The following BANK1 variants were observed in gnomAD, a reference collection of about 807,000 sequenced individuals.
The protein encoded by BANK1 is B cell scaffold protein with ankyrin repeats 1, also known as B-cell scaffold protein with ankyrin repeats.
In BANK1, 95 loss-of-function variants were observed where a neutral mutation model predicts 94.5. The ratio of observed to expected loss-of-function variants is 1.00; its 90% CI spans 0.85 to 1.19. The LOEUF is 1.19. Among genes scored for constraint, BANK1 ranks in the 50% most tolerant of loss-of-function variants. BANK1 has a pLI of 0.00. For synonymous variants in BANK1, 334 were observed against 308.4 expected (o/e 1.08, Z -0.87); for missense variants, 987 against 932.2 (o/e 1.06, Z -0.77).
At chr4:101,791,013 C>A (rs1229458086) in intron 1 of BANK1, 63 bp downstream of exon 1, 1 of 1,320,682 alleles carries the variant, frequency 7.6e-7, no homozygotes, top group Non-Finnish European at 1.0e-6. Context: ...TCTGCGGAGA[C>A]CACGGGCCAT....
chr4:101,938,823 T>C (rs766281626), intron 7 of BANK1, among the ~76,000 whole-genome samples: 1 of 151,664 alleles, frequency 6.6e-6, no homozygotes, highest in Non-Finnish European at 1.5e-5. Flanking sequence ...ATAAAAATTA[T>C]ACAAAGCAAA....
At chr4:101,894,466 CT>C (rs76522350) in intron 5 of BANK1, among the ~76,000 whole-genome samples, 1 of 151,698 alleles carries the variant, frequency 6.6e-6, no homozygotes, top group Non-Finnish European at 1.5e-5. Context: ...ACAAAAATAT[CT>C]TTTTTTCAGT....
At chr4:102,000,977 A>G (rs1415244167) in intron 7 of BANK1, among the ~76,000 whole-genome samples, 1 of 152,166 alleles carries the variant, frequency 6.6e-6, no homozygotes, top group Non-Finnish European at 1.5e-5. Flanking sequence ...GTATTAAACT[A>G]AGCTCTAAAT....
intron 5 of BANK1, among the ~76,000 whole-genome samples, chr4:101,885,211 C>A (rs1043606643): frequency 2.6e-5 from 4 of 152,206 alleles, no homozygotes; most frequent in African/African-American, 9.7e-5. Context: ...GCCACCGCAC[C>A]CAGCCTGGGA....
chr4:101,812,399 A>C (rs1725757389), intron 1 of BANK1, among the ~76,000 whole-genome samples: 1 of 151,992 alleles, frequency 6.6e-6, no homozygotes, highest in Non-Finnish European at 1.5e-5. Flanking sequence ...CAGATTAAAA[A>C]ATCTAGGGAA....
chr4:102,037,867 AAGT>A (rs578228923), intron 10 of BANK1, among the ~76,000 whole-genome samples: 234 of 152,280 alleles, frequency 1.5e-3, no homozygotes, highest in Non-Finnish European at 2.2e-3. Flanking sequence ...ACAGAGGTGA[AAGT>A]AGACCTGGCA....
At chr4:101,850,044 A>G (rs556650538) in intron 2 of BANK1, among the ~76,000 whole-genome samples, 2 of 152,328 alleles carry the variant, frequency 1.3e-5, no homozygotes, top group South Asian at 4.1e-4. Context: ...GCTGTCTACA[A>G]ATAGTTTTAA....
chr4:102,015,270 T>C (rs1458093095), intron 7 of BANK1, among the ~76,000 whole-genome samples: 1 of 152,144 alleles, frequency 6.6e-6, no homozygotes, highest in African/African-American at 2.4e-5. Context: ...TATGCTTTTT[T>C]TGGTATCTTT....
chr4:101,902,708 A>G (rs915922090), intron 6 of BANK1, among the ~76,000 whole-genome samples: 1 of 152,216 alleles, frequency 6.6e-6, no homozygotes, highest in Non-Finnish European at 1.5e-5. Flanking sequence ...AGTTCTTCCA[A>G]ATAAATATTC....
At chr4:102,016,892 T>TGACTCTTATCCACTGTGGATAAGAA (rs1473859875) in intron 7 of BANK1, among the ~76,000 whole-genome samples, 3 of 152,092 alleles carry the variant, frequency 2.0e-5, no homozygotes, top group African/African-American at 4.8e-5. Flanking sequence ...GAGGATAAGA[T>TGACTCTTATCCACTGTGGATAAGAA]GACTCTTATC....
At chr4:102,044,382 T>A (rs1430210427) in intron 11 of BANK1, among the ~76,000 whole-genome samples, 1 of 152,250 alleles carries the variant, frequency 6.6e-6, no homozygotes, top group Non-Finnish European at 1.5e-5. Context: ...TATGGCTGCA[T>A]AGTATTCCAC....
intron 5 of BANK1, among the ~76,000 whole-genome samples, chr4:101,886,555 C>T (rs750426455): frequency 1.3e-5 from 2 of 152,122 alleles, no homozygotes; most frequent in Non-Finnish European, 2.9e-5. Flanking sequence ...TTATATTTAA[C>T]AGTACGTTGT....
At chr4:101,847,306 TGTTA>T (rs773442356) in intron 2 of BANK1, among the ~76,000 whole-genome samples, 21 of 152,204 alleles carry the variant, frequency 1.4e-4, no homozygotes, top group East Asian at 5.8e-4. Flanking sequence ...GTTCAGTAGT[TGTTA>T]GTTGTTATTC....
chr4:101,943,516 C>T (rs1311891208), intron 7 of BANK1, among the ~76,000 whole-genome samples: 3 of 151,558 alleles, frequency 2.0e-5, no homozygotes, highest in African/African-American at 7.3e-5. Context: ...AGGCTTCTGG[C>T]TTAAGTGTCT....
intron 7 of BANK1, among the ~76,000 whole-genome samples, chr4:102,000,862 T>G (rs748579653): frequency 6.6e-6 from 1 of 152,216 alleles, no homozygotes; most frequent in Non-Finnish European, 1.5e-5. Flanking sequence ...CAACACATAA[T>G]AGAGCATCCC....
chr4:101,933,008 A>C (rs1723408351), intron 7 of BANK1, among the ~76,000 whole-genome samples: 1 of 151,490 alleles, frequency 6.6e-6, no homozygotes, highest in South Asian at 2.1e-4. Flanking sequence ...GCAATACCAT[A>C]TTATCACCCG....
chr4:101,916,066 G>A (rs1014328267), intron 6 of BANK1, among the ~76,000 whole-genome samples: 1 of 151,996 alleles, frequency 6.6e-6, no homozygotes, highest in Non-Finnish European at 1.5e-5. Flanking sequence ...TCTAATTGGT[G>A]TCTGATTAAA....
At chr4:101,921,568 C>T (rs1722998825) in intron 7 of BANK1, among the ~76,000 whole-genome samples, 2 of 151,860 alleles carry the variant, frequency 1.3e-5, no homozygotes, top group Admixed American at 1.3e-4. Flanking sequence ...CTTGTATTAG[C>T]TCACATATGT....
intron 11 of BANK1, among the ~76,000 whole-genome samples, chr4:102,050,907 G>A (rs1728026013): frequency 6.6e-6 from 1 of 152,018 alleles, no homozygotes; most frequent in Admixed American, 6.6e-5. Context: ...TATCTGCATG[G>A]CCCCTATAGT....
Sources: allele counts gnomAD v4.1 joint callset (sites outside exome capture counted in the v4.1 genomes callset), GRCh38; gene constraint gnomAD v4.1.1; transcripts MANE v1.5; gene names NCBI Gene and HGNC (gene_info 2026-07-23, HGNC 2026-07-21).